IGFBP7: variants seen among roughly 807,000 people sequenced by gnomAD.
The protein encoded by IGFBP7 is insulin-like growth factor-binding protein 7.
A neutral mutation model predicts 29.4 loss-of-function variants in IGFBP7; 31 were observed. The observed-to-expected ratio is 1.05, with a 90% confidence interval of 0.79 to 1.42. The LOEUF (loss-of-function observed/expected upper bound fraction) is 1.42. Ranked by LOEUF, IGFBP7 falls within the 40% of genes most tolerant of loss-of-function variation. The pLI is 0.00. For missense variants in IGFBP7, 393 were observed against 395.5 expected, an observed-to-expected ratio of 0.99 and a Z score of 0.05; for synonymous variants, 172 against 174.9, an observed-to-expected ratio of 0.98 and a Z score of 0.13.
In IGFBP7 at chr4:57,060,008, A is replaced by G. The variant is rs1487076792; in HGVS notation, c.476-19075T>C. 2.0e-5 allele frequency among the ~76,000 whole-genome samples: 3 copies of G among 152,248 alleles called. No individual in the cohort carries two copies. The East Asian group carries it at 5.8e-4, about 29-fold the overall frequency. ...GGAATGGATTAATTTGTCCCAGTCC[A>G]TCATGAACTAAGTGATGTGCTGGGT... On this transcript the variant is annotated intron_variant, in intron 1 of 4. Coordinates refer to ENST00000295666, the MANE Select transcript of IGFBP7 (RefSeq NM_001553.3).
At chr4:57,058,231 C>T (rs1181200795) in intron 1 of IGFBP7, among the ~76,000 whole-genome samples, 1 of 152,168 alleles carries the variant, frequency 6.6e-6, no homozygotes, top group African/African-American at 2.4e-5. Context: ...GATTAAAGAA[C>T]AGATCTTTCT....
intron 2 of IGFBP7, among the ~76,000 whole-genome samples, chr4:57,034,926 T>G (rs765025370): frequency 6.6e-6 from 1 of 152,212 alleles, no homozygotes; most frequent in African/African-American, 2.4e-5. Flanking sequence ...TTCCCTTAGT[T>G]TCCCAAGTAG....
intron 1 of IGFBP7, among the ~76,000 whole-genome samples, chr4:57,098,951 C>T (rs1005578513): frequency 6.6e-5 from 10 of 152,184 alleles, no homozygotes; most frequent in Admixed American, 2.6e-4. Context: ...TTCTTGAAGC[C>T]TCATTTCTGT....
Position 57,110,111 on chromosome 4 carries a change from A to G in IGFBP7, c.241T>C (p.Cys81Arg). 1 of 1,520,664 alleles carries G rather than the reference A, an allele frequency of 6.6e-7. No homozygotes were observed. Among genetic ancestry groups the G allele is most frequent in the Non-Finnish European group, 8.8e-7 (1 of 1,141,274 alleles). The allele number at this position is 1,520,664 out of a possible 1,614,324, so 94.2% of individuals were successfully genotyped here. ...CGGGGAGRGY[C>R]APGMECVKSR... ...TTCACGCACTCCATGCCCGGCGCGC[A>G]GTACCCCCTGCCGGCGCCGCCACCC... Residue 81 changes from cysteine (C) to arginine (R), a missense_variant, in exon 1 of 5, where the codon TGC (cysteine) becomes CGC (arginine). By Grantham distance (180) the Cys-to-Arg change is radical. Coordinates refer to ENST00000295666, the MANE Select transcript of IGFBP7 (RefSeq NM_001553.3).
chr4:57,053,401 T>G (rs971068028), intron 1 of IGFBP7, among the ~76,000 whole-genome samples: 4 of 152,184 alleles, frequency 2.6e-5, no homozygotes, highest in Non-Finnish European at 5.9e-5. Context: ...AGAGTCTGAC[T>G]CCAGGGTGTG....
At chr4:57,071,018 T>A (rs1414314469) in intron 1 of IGFBP7, among the ~76,000 whole-genome samples, 1 of 152,176 alleles carries the variant, frequency 6.6e-6, no homozygotes, top group Non-Finnish European at 1.5e-5. Context: ...TTTCTTCTGC[T>A]CTGAACACAC....
At position 57,072,021 on chromosome 4, in the gene IGFBP7, G is replaced by A. The variant is rs1725063908; in HGVS notation, c.476-31088C>T. Among the ~76,000 whole-genome samples, 3 of 151,858 alleles carry A rather than the reference G, an allele frequency of 2.0e-5. No individual in the cohort carries two copies. In the Middle Eastern group the frequency reaches 0.01, roughly 517 times the overall value. ...AAAAAACCTTTTATTTTAGGTTTGG[G>A]GGTACATGTGAAGGTTTGTTACATA... On this transcript the variant is annotated intron_variant, in intron 1 of 4. Coordinates refer to ENST00000295666, the MANE Select transcript of IGFBP7 (RefSeq NM_001553.3).
intron 1 of IGFBP7, among the ~76,000 whole-genome samples, chr4:57,085,162 G>A (rs892599496): frequency 1.3e-5 from 2 of 151,932 alleles, no homozygotes; most frequent in Non-Finnish European, 2.9e-5. Flanking sequence ...TGTCATTCTA[G>A]ATCCATATTC....
At chr4:57,085,483 T>C (rs1560505107) in intron 1 of IGFBP7, among the ~76,000 whole-genome samples, 1 of 152,248 alleles carries the variant, frequency 6.6e-6, no homozygotes, top group Non-Finnish European at 1.5e-5. Context: ...ACAACTGAGA[T>C]CTTCACCACA....
chr4:57,103,660 C>CTTTTTTGT (rs1725954222), intron 1 of IGFBP7, among the ~76,000 whole-genome samples: 1 of 86,480 alleles, frequency 1.2e-5, no homozygotes, highest in African/African-American at 4.5e-5. Flanking sequence ...TTTTTCTTTT[C>CTTTTTTGT]TTTTTTTTTT....
intron 1 of IGFBP7, among the ~76,000 whole-genome samples, chr4:57,075,721 T>C (rs1725205965): frequency 6.6e-6 from 1 of 151,956 alleles, no homozygotes; most frequent in African/African-American, 2.4e-5. Flanking sequence ...AAAGAGAATT[T>C]GACAAGTAGA....
At chr4:57,069,575 C>A (rs973744258) in intron 1 of IGFBP7, among the ~76,000 whole-genome samples, 5 of 151,924 alleles carry the variant, frequency 3.3e-5, no homozygotes, top group Non-Finnish European at 7.4e-5. Context: ...GAGGTAGAAG[C>A]ATTGCTTGAC....
At chr4:57,044,650 A>G (rs1724315260) in intron 1 of IGFBP7, among the ~76,000 whole-genome samples, 1 of 152,152 alleles carries the variant, frequency 6.6e-6, no homozygotes, top group Non-Finnish European at 1.5e-5. Context: ...GCCTTTGTGG[A>G]AATCTGTAAG....
At chr4:57,074,627 G>A (rs1393794709) in intron 1 of IGFBP7, among the ~76,000 whole-genome samples, 1 of 152,160 alleles carries the variant, frequency 6.6e-6, no homozygotes, top group African/African-American at 2.4e-5. Context: ...GTTGGAGGAA[G>A]GCCCTTTTTC....
At chr4:57,046,197 GCCCCAACAA>G (rs1327243300) in intron 1 of IGFBP7, among the ~76,000 whole-genome samples, 2 of 152,036 alleles carry the variant, frequency 1.3e-5, no homozygotes, top group African/African-American at 4.8e-5. Flanking sequence ...TACAATGCCA[GCCCCAACAA>G]TGCTGCACTC....
Position 57,040,813 on chromosome 4 carries a change from G to A in IGFBP7, c.585+11C>T. Reference sequence around the variant, plus strand: ...CAGCCTAGGATGTCTCTTAAAGTCTGTGCCACAGACCTTGTTCCAGATGAG... The same window carrying A: ...CAGCCTAGGATGTCTCTTAAAGTCTATGCCACAGACCTTGTTCCAGATGAG... On this transcript the variant is annotated intron_variant, in intron 2 of 4. Transcript: ENST00000295666. 6.4e-7 allele frequency: 1 copy of A among 1,565,906 alleles called. No homozygotes were observed. The highest frequency in any genetic ancestry group is 8.8e-7 in the Non-Finnish European group (1 of 1,136,150).
In IGFBP7 at chr4:57,031,066, A is replaced by T; in HGVS notation, c.*251T>A. On this transcript the variant is annotated 3_prime_UTR_variant, in exon 5 of 5. Coordinates refer to ENST00000295666, the MANE Select transcript of IGFBP7 (RefSeq NM_001553.3). ...TTGTGTGGCTTTTTAAAAATGACAA[A>T]TATGTACTGTGTTGTGATAAAAAGT... is the stretch of plus-strand genomic sequence containing the variant. 1 of 906,388 alleles carries T rather than the reference A, an allele frequency of 1.1e-6. No homozygotes were observed. Among genetic ancestry groups the T allele is most frequent in the East Asian group, 2.4e-5 (1 of 41,594 alleles). The allele number at this position is 906,388 out of a possible 1,614,324, so 56.1% of individuals were successfully genotyped here. A position where few individuals can be genotyped will look rare whatever the true frequency, so the allele number is the denominator to read the frequency against.
chr4:57,046,588 G>A (rs1661242742), intron 1 of IGFBP7, among the ~76,000 whole-genome samples: 1 of 152,110 alleles, frequency 6.6e-6, no homozygotes, highest in Non-Finnish European at 1.5e-5. Flanking sequence ...TTTAAAACAG[G>A]TCACAGAATT....
intron 1 of IGFBP7, among the ~76,000 whole-genome samples, chr4:57,103,549 T>C (rs1466087094): frequency 6.6e-6 from 1 of 152,156 alleles, no homozygotes; most frequent in Non-Finnish European, 1.5e-5. Flanking sequence ...CATTTTGGAA[T>C]GGCTAAATCA....
Sources: allele counts gnomAD v4.1 joint callset (sites outside exome capture counted in the v4.1 genomes callset), GRCh38; gene constraint gnomAD v4.1.1; transcripts MANE v1.5; gene names NCBI Gene and HGNC (gene_info 2026-07-23, HGNC 2026-07-21).